Variants in FSTL4 observed in about 807,000 individuals in gnomAD.
FSTL4 encodes the protein follistatin-related protein 4.
FSTL4 carries 28 observed loss-of-function variants against 78.2 expected under a neutral mutation model. That is an observed-to-expected ratio of 0.36 (90% CI 0.27 to 0.49). The LOEUF (loss-of-function observed/expected upper bound fraction) is 0.49, where lower values mean the gene tolerates loss of function less well. Ranked by LOEUF, FSTL4 falls within the 20% of genes least tolerant of loss-of-function variation. FSTL4 has a pLI of 0.98. For missense variants in FSTL4, 922 were observed against 1,084.9 expected, an observed-to-expected ratio of 0.85 and a Z score of 2.11; for synonymous variants, 422 against 440.5, an observed-to-expected ratio of 0.96 and a Z score of 0.53.
At chr5:133,427,638 C>A (rs1756851900) in intron 3 of FSTL4, 1 of 530,410 alleles carries the variant, frequency 1.9e-6, no homozygotes, top group South Asian at 1.4e-5. Flanking sequence ...CTGGACTCCA[C>A]ACCCAGTGAC....
At chr5:133,688,587 T>C in the FSTL4 span, among the ~76,000 whole-genome samples, 1 of 152,250 alleles carries the variant, frequency 6.6e-6, no homozygotes, top group Non-Finnish European at 1.5e-5. Flanking sequence ...TCCACTGTTC[T>C]CAACCCAGTC....
intron 6 of FSTL4, among the ~76,000 whole-genome samples, chr5:133,307,372 T>G (rs1753679415): frequency 1.3e-5 from 2 of 152,168 alleles, no homozygotes; most frequent in Admixed American, 1.3e-4. Flanking sequence ...TGCAGATGTG[T>G]TGCAAAGTTT....
the FSTL4 span, among the ~76,000 whole-genome samples, chr5:133,670,041 C>T: frequency 1.8e-3 from 268 of 152,302 alleles, 1 homozygote; most frequent in Middle Eastern, 0.01. Flanking sequence ...CTACACGCTC[C>T]GCTCCCAAGA....
At chr5:133,312,939 T>C (rs1753821894) in intron 5 of FSTL4, among the ~76,000 whole-genome samples, 162 bp from the exon 6 acceptor site, 1 of 152,316 alleles carries the variant, frequency 6.6e-6, no homozygotes, top group African/African-American at 2.4e-5. Context: ...CTTCATTTTA[T>C]GGATGAGAAA....
At chr5:133,721,818 C>T in the FSTL4 span, among the ~76,000 whole-genome samples, 4 of 152,124 alleles carry the variant, frequency 2.6e-5, no homozygotes, top group Admixed American at 6.5e-5. Flanking sequence ...ATGTTCATAT[C>T]GCTCTGAAAA....
chr5:133,560,718 TAGAA>T (rs1215841928), intron 3 of FSTL4, among the ~76,000 whole-genome samples: 6 of 151,370 alleles, frequency 4.0e-5, no homozygotes, highest in African/African-American at 1.5e-4. Context: ...CTTCTGATTG[TAGAA>T]AGAGAGAATT....
intron 3 of FSTL4, among the ~76,000 whole-genome samples, chr5:133,412,777 C>T (rs1430104193): frequency 6.6e-6 from 1 of 151,954 alleles, no homozygotes; most frequent in Non-Finnish European, 1.5e-5. Flanking sequence ...TATTTCTATG[C>T]AGTATGTTGT....
chr5:133,372,265 G>C (rs200380254), intron 4 of FSTL4, among the ~76,000 whole-genome samples: 243 of 142,148 alleles, frequency 1.7e-3, no homozygotes, highest in African/African-American at 6.0e-3. Flanking sequence ...ATGTATGTAT[G>C]TATGTATCTA....
chr5:133,272,243 G>T (rs1292294191), intron 6 of FSTL4, among the ~76,000 whole-genome samples: 2 of 152,158 alleles, frequency 1.3e-5, no homozygotes, highest in Non-Finnish European at 2.9e-5. Context: ...TTAATGACAC[G>T]GCCATTTCTT....
the FSTL4 span, among the ~76,000 whole-genome samples, chr5:133,773,137 T>C: frequency 2.0e-5 from 3 of 152,060 alleles, no homozygotes; most frequent in Non-Finnish European, 4.4e-5. Context: ...ACAATATTGA[T>C]CTCAAATTTT....
At chr5:133,679,208 T>C in the FSTL4 span, among the ~76,000 whole-genome samples, 1 of 152,122 alleles carries the variant, frequency 6.6e-6, no homozygotes, top group Non-Finnish European at 1.5e-5. Context: ...AATCATAGGC[T>C]GGTCACACAA....
At chr5:133,827,593 CAAAAG>C in the FSTL4 span, among the ~76,000 whole-genome samples, 1 of 151,818 alleles carries the variant, frequency 6.6e-6, no homozygotes, top group Non-Finnish European at 1.5e-5. Context: ...TTTCAGTGAC[CAAAAG>C]AAGAGTTTTT....
chr5:133,714,477 A>T, the FSTL4 span, among the ~76,000 whole-genome samples: 1 of 152,250 alleles, frequency 6.6e-6, no homozygotes, highest in Admixed American at 6.5e-5. Context: ...AGCTCTGCAG[A>T]TCAGATGCCT....
At chr5:133,503,261 A>T (rs1366603) in intron 3 of FSTL4, among the ~76,000 whole-genome samples, 4 of 151,974 alleles carry the variant, frequency 2.6e-5, no homozygotes, top group African/African-American at 9.7e-5. Flanking sequence ...CGGAGATATG[A>T]TGGTAAATGT....
chr5:133,757,547 A>C, the FSTL4 span, among the ~76,000 whole-genome samples: 1 of 152,246 alleles, frequency 6.6e-6, no homozygotes, highest in Non-Finnish European at 1.5e-5. Flanking sequence ...AAACAGGAAA[A>C]GATGGATTTG....
At chr5:133,327,381 T>C (rs1345243647) in intron 4 of FSTL4, among the ~76,000 whole-genome samples, 1 of 152,212 alleles carries the variant, frequency 6.6e-6, no homozygotes, top group Non-Finnish European at 1.5e-5. Context: ...GATAGTCCAC[T>C]GAGCACGCTT....
At chr5:133,386,333 G>C (rs189113389) in intron 4 of FSTL4, among the ~76,000 whole-genome samples, 1 of 152,294 alleles carries the variant, frequency 6.6e-6, no homozygotes, top group East Asian at 1.9e-4. Context: ...AGTCTCCGTG[G>C]GGCTATAGCC....
the FSTL4 span, among the ~76,000 whole-genome samples, chr5:133,625,889 CAT>C: frequency 1.5e-3 from 2 of 1,300 alleles, no homozygotes; most frequent in Middle Eastern, 0.25. Context: ...ATATATATTC[CAT>C]ATATATATAT....
At chr5:133,719,698 C>A in the FSTL4 span, among the ~76,000 whole-genome samples, 4 of 145,816 alleles carry the variant, frequency 2.7e-5, no homozygotes, top group Non-Finnish European at 4.5e-5. Flanking sequence ...AAAAAAAGTC[C>A]ATTTGATTAT....
Sources: allele counts gnomAD v4.1 joint callset (sites outside exome capture counted in the v4.1 genomes callset), GRCh38; gene constraint gnomAD v4.1.1; transcripts MANE v1.5; gene names NCBI Gene and HGNC (gene_info 2026-07-23, HGNC 2026-07-21).